SFMBT2: variants seen among roughly 807,000 people sequenced by gnomAD.
The protein encoded by SFMBT2 is Scm like with four mbt domains 2, also known as scm-like with four MBT domains protein 2.
Under a neutral mutation model 110.1 loss-of-function variants are expected in SFMBT2, and 38 were observed. That is an observed-to-expected ratio of 0.35 (90% confidence interval 0.27 to 0.45). The LOEUF is 0.45. SFMBT2 is among the 20% of genes least tolerant of loss of function. The pLI is 1.00. For synonymous variants in SFMBT2, 425 were observed against 425.4 expected, an observed-to-expected ratio of 1.00 and a Z score of 0.01; for missense variants, 1,011 against 1,094.9, an observed-to-expected ratio of 0.92 and a Z score of 1.08.
Position 7,172,936 on chromosome 10 carries a change from C to T in SFMBT2, c.1985-275G>A, listed in dbSNP as rs1302195351. ...GTCCCGAACCCCCAAAGTGAGTGTA[C>T]AAGGGTGGGGCCCTAATCCAATAGG... On this transcript the variant is annotated intron_variant, in intron 17 of 20. Transcript: ENST00000397167. This position sits in a 1 kb window ranked among gnomAD's most constrained non-coding sequence, Gnocchi z 4.6. Among the ~76,000 whole-genome samples, 2 of 152,048 alleles carry T rather than the reference C, an allele frequency of 1.3e-5. No individual in the cohort carries two copies. The highest frequency in any genetic ancestry group is 3.9e-4 in the East Asian group (2 of 5,186).
chr10:7,227,746 G>C, intron 10 of SFMBT2, 109 bp downstream of exon 10: 1 of 875,794 alleles, frequency 1.1e-6, no homozygotes, highest in Non-Finnish European at 1.8e-6. Flanking sequence ...TAGTTCTCCA[G>C]TGCACTGTAA....
intron 4 of SFMBT2, among the ~76,000 whole-genome samples, chr10:7,347,371 T>C (rs1439586917): frequency 6.6e-6 from 1 of 152,230 alleles, no homozygotes; most frequent in Non-Finnish European, 1.5e-5. Context: ...CACAGCATTT[T>C]AGGGCCTTTT....
chr10:7,322,548 A>G (rs987263100), intron 4 of SFMBT2, among the ~76,000 whole-genome samples: 2 of 152,100 alleles, frequency 1.3e-5, no homozygotes, highest in Non-Finnish European at 2.9e-5. Flanking sequence ...ACTTTTTAGA[A>G]ATTCTAGAAG....
chr10:7,348,276 G>A, intron 4 of SFMBT2: 1 of 1,517,350 alleles, frequency 6.6e-7, no homozygotes, highest in Non-Finnish European at 8.8e-7. Flanking sequence ...GAAGTTTTGA[G>A]ACATCCTTTT....
chr10:7,176,926 T>C (rs765749850), intron 16 of SFMBT2, among the ~76,000 whole-genome samples: 38 of 152,078 alleles, frequency 2.5e-4, no homozygotes, highest in Non-Finnish European at 4.4e-4. Flanking sequence ...AAAAGGCTGC[T>C]GTATCTCTCA....
At chr10:7,181,964 T>C (rs2762616) in intron 16 of SFMBT2, among the ~76,000 whole-genome samples, 139,799 of 152,268 alleles carry the variant, frequency 0.92, 65,204 homozygotes, top group East Asian at 1. Flanking sequence ...GATCCTTACA[T>C]GATCTTCCCA....
At chr10:7,329,442 A>G (rs1236334149) in intron 4 of SFMBT2, 1 of 985,310 alleles carries the variant, frequency 1.0e-6, no homozygotes, top group Non-Finnish European at 1.2e-6. Context: ...ACAACCACAA[A>G]AGCGGTGAGG....
intron 11 of SFMBT2, chr10:7,219,602 A>G (rs548364635): frequency 1.2e-5 from 3 of 252,078 alleles, no homozygotes; most frequent in African/African-American, 6.9e-5. Context: ...AGTAAGTCAT[A>G]AGATTTAAAC....
At chr10:7,234,308 T>C (rs1462691404) in intron 9 of SFMBT2, among the ~76,000 whole-genome samples, 2 of 152,194 alleles carry the variant, frequency 1.3e-5, no homozygotes, top group Non-Finnish European at 2.9e-5. Flanking sequence ...TAAAACATTA[T>C]GTTGAGAAGT....
At position 7,301,316 on chromosome 10, in the gene SFMBT2, C is replaced by T. The variant is rs1451911595; in HGVS notation, c.437-15362G>A. Among the ~76,000 whole-genome samples the T allele has an allele frequency of 1.3e-5, 2 of 152,242 alleles. No individual in the cohort carries two copies. Among genetic ancestry groups the T allele is most frequent in the African/African-American group, 4.8e-5 (2 of 41,462 alleles). On this transcript the variant is annotated intron_variant, in intron 4 of 20. Coordinates refer to ENST00000397167, the MANE Select transcript of SFMBT2 (RefSeq NM_001387889.1). The surrounding 1 kb of genome is among the most constrained non-coding windows in gnomAD (Gnocchi z 4.2). The stretch of plus-strand genomic sequence containing the variant: ...AAGACACTATGGACTAGTTGCCAGT[C>T]CCTCTACAGGGATCGTTTTGAAAGG...
rs531641133 is a variant in SFMBT2 at position 7,174,981 on chromosome 10, C to T, written c.1984+1009G>A. ...TGTGTTGTGTGTGTGTAGAAACACA[C>T]TGAGAGATAATAAAATACAAAGAAA... is the stretch of plus-strand genomic sequence containing the variant. On this transcript the variant is annotated intron_variant, in intron 17 of 20. Coordinates refer to ENST00000397167, the MANE Select transcript of SFMBT2 (RefSeq NM_001387889.1). 4.6e-5 allele frequency among the ~76,000 whole-genome samples: 7 copies of T among 152,272 alleles called. 1 individual carries two copies. Among genetic ancestry groups the T allele is most frequent in the African/African-American group, 1.7e-4 (7 of 41,564 alleles).
intron 4 of SFMBT2, among the ~76,000 whole-genome samples, chr10:7,360,041 G>A (rs927568306): frequency 4.3e-4 from 65 of 152,346 alleles, no homozygotes; most frequent in Middle Eastern, 3.4e-3. Flanking sequence ...AGGATGTTCT[G>A]AGGATTGACA....
chr10:7,369,828 T>C (rs1308413597), intron 3 of SFMBT2, among the ~76,000 whole-genome samples: 1 of 152,186 alleles, frequency 6.6e-6, no homozygotes, highest in African/African-American at 2.4e-5. Context: ...CCAGGTCTCC[T>C]CCTTCTTCCT....
intron 1 of SFMBT2, among the ~76,000 whole-genome samples, chr10:7,401,558 A>C (rs1234764105): frequency 3.9e-5 from 6 of 152,220 alleles, no homozygotes; most frequent in Non-Finnish European, 8.8e-5. Flanking sequence ...TGACAAAAGA[A>C]GGAGGCTGCC....
At chr10:7,290,986 G>A (rs982653852) in intron 4 of SFMBT2, among the ~76,000 whole-genome samples, 1 of 152,182 alleles carries the variant, frequency 6.6e-6, no homozygotes, top group African/African-American at 2.4e-5. Context: ...TCCAAAGCCG[G>A]GTCACCTCTC....
At chr10:7,206,185 G>A in intron 11 of SFMBT2, 1 of 985,428 alleles carries the variant, frequency 1.0e-6, no homozygotes, top group African/African-American at 1.7e-5. Context: ...TGGAAAAAGA[G>A]AGATACTCTG....
chr10:7,234,348 A>G (rs537617345), intron 9 of SFMBT2, among the ~76,000 whole-genome samples: 85 of 152,360 alleles, frequency 5.6e-4, no homozygotes, highest in Non-Finnish European at 8.2e-4. Flanking sequence ...ATGACACTTA[A>G]TATACTTCTC....
chr10:7,228,430 A>C, intron 9 of SFMBT2: 2 of 757,872 alleles, frequency 2.6e-6, no homozygotes, highest in Non-Finnish European at 3.2e-6. Flanking sequence ...AAGTAACAGA[A>C]GGTAGAGAAG....
intron 9 of SFMBT2, among the ~76,000 whole-genome samples, chr10:7,235,206 C>A (rs941578394): frequency 1.3e-5 from 2 of 151,986 alleles, no homozygotes; most frequent in Non-Finnish European, 2.9e-5. Flanking sequence ...CAGCAGTGAA[C>A]AAAAGAGATT....
Sources: gnomAD v4.1 joint callset for allele counts (sites outside exome capture counted in the v4.1 genomes callset) on GRCh38, gnomAD v4.1.1 for gene constraint, Gnocchi (gnomAD v3.1) non-coding constraint, MANE v1.5 for transcripts, NCBI Gene and HGNC (gene_info 2026-07-23, HGNC 2026-07-21) for gene names.